The following FOXP2 variants were observed in gnomAD, a reference collection of about 807,000 sequenced individuals.
FOXP2 encodes the protein forkhead box P2.
In FOXP2, 12 loss-of-function variants were observed where a neutral mutation model predicts 115.8. The observed-to-expected ratio is 0.10, with a 90% confidence interval of 0.07 to 0.17. The LOEUF is 0.17. FOXP2 is among the 10% of genes least tolerant of loss of function. The pLI, the probability that FOXP2 is intolerant of heterozygous loss-of-function variation, is 1.00. For missense variants in FOXP2, 629 were observed against 843.5 expected, an observed-to-expected ratio of 0.75 and a Z score of 3.15; for synonymous variants, 328 against 297.7, an observed-to-expected ratio of 1.10 and a Z score of -1.05.
At chr7:114,385,969 C>A (rs921859818) in intron 2 of FOXP2, among the ~76,000 whole-genome samples, 9 of 152,288 alleles carry the variant, frequency 5.9e-5, no homozygotes, top group Admixed American at 2.0e-4. Context: ...CCGTGGGTCA[C>A]GGAAGAGAAC....
intron 1 of FOXP2, among the ~76,000 whole-genome samples, chr7:114,286,140 A>G (rs952476214): frequency 7.2e-5 from 11 of 151,916 alleles, no homozygotes; most frequent in African/African-American, 2.2e-4. Flanking sequence ...TTTTTGCTCT[A>G]TACAGTAAGC....
intron 2 of FOXP2, among the ~76,000 whole-genome samples, chr7:114,330,584 G>A (rs901598244): frequency 2.0e-5 from 3 of 150,530 alleles, no homozygotes; most frequent in Non-Finnish European, 3.0e-5. Context: ...TATGAGTATT[G>A]TTGCATGATG....
At chr7:114,573,891 G>A (rs1201978393) in intron 3 of FOXP2, among the ~76,000 whole-genome samples, 1 of 151,728 alleles carries the variant, frequency 6.6e-6, no homozygotes, top group South Asian at 2.1e-4. Flanking sequence ...TTAAACAGGG[G>A]TCAAAAGCTC....
intron 1 of FOXP2, among the ~76,000 whole-genome samples, chr7:114,419,484 C>G (rs1470032824): frequency 6.6e-6 from 1 of 151,798 alleles, no homozygotes; most frequent in African/African-American, 2.4e-5. Context: ...CACTTGATGC[C>G]AGAGTATAAA....
At chr7:114,176,884 T>C (rs940328796) in intron 1 of FOXP2, among the ~76,000 whole-genome samples, 2 of 152,144 alleles carry the variant, frequency 1.3e-5, no homozygotes, top group African/African-American at 4.8e-5. Context: ...AGGGTAACCA[T>C]ATTCTTACCC....
chr7:114,284,036 T>C (rs1796402209), intron 1 of FOXP2, among the ~76,000 whole-genome samples: 1 of 152,174 alleles, frequency 6.6e-6, no homozygotes. Context: ...CTTTATCTAA[T>C]ATAATTCCTT....
At chr7:114,103,519 A>T (rs1019286902) in intron 1 of FOXP2, among the ~76,000 whole-genome samples, 7 of 152,066 alleles carry the variant, frequency 4.6e-5, no homozygotes, top group Non-Finnish European at 1.5e-5. Flanking sequence ...AACCTTGTAG[A>T]TTACACAATT....
At chr7:114,402,417 A>G (rs919589822) in intron 2 of FOXP2, among the ~76,000 whole-genome samples, 1 of 152,118 alleles carries the variant, frequency 6.6e-6, no homozygotes, top group African/African-American at 2.4e-5. Context: ...ATTTGTGTAA[A>G]GAACATATAT....
intron 1 of FOXP2, among the ~76,000 whole-genome samples, chr7:114,141,132 A>G (rs553963690): frequency 1.3e-5 from 2 of 152,320 alleles, no homozygotes; most frequent in East Asian, 3.9e-4. Flanking sequence ...TGAGAAAGAA[A>G]AGAAAGGCCC....
intron 1 of FOXP2, among the ~76,000 whole-genome samples, chr7:114,275,474 T>G (rs560759788): frequency 6.6e-6 from 1 of 152,314 alleles, no homozygotes; most frequent in African/African-American, 2.4e-5. Context: ...TAGTAAGCCT[T>G]CATTTCTGTT....
At chr7:114,201,004 A>C (rs1794047648) in intron 1 of FOXP2, among the ~76,000 whole-genome samples, 1 of 152,074 alleles carries the variant, frequency 6.6e-6, no homozygotes, top group African/African-American at 2.4e-5. Context: ...AAAATACAAA[A>C]AATTAGCTGG....
intron 1 of FOXP2, among the ~76,000 whole-genome samples, chr7:114,219,231 GAT>G (rs1228403769): frequency 4.0e-5 from 6 of 151,842 alleles, no homozygotes; most frequent in Non-Finnish European, 8.8e-5. Context: ...ATTATATGTT[GAT>G]TTAAACCATT....
intron 2 of FOXP2, among the ~76,000 whole-genome samples, chr7:114,386,689 A>T (rs909435745): frequency 1.3e-5 from 2 of 152,226 alleles, no homozygotes; most frequent in Non-Finnish European, 2.9e-5. Flanking sequence ...CCCAAGAAGC[A>T]GCCAACATAC....
chr7:114,381,053 G>T (rs191708714), intron 2 of FOXP2, among the ~76,000 whole-genome samples: 1 of 152,196 alleles, frequency 6.6e-6, no homozygotes, highest in Non-Finnish European at 1.5e-5. Flanking sequence ...TTACTAAATG[G>T]GTATTGGCTT....
rs1793878767 is a variant in FOXP2 at position 114,195,443 on chromosome 7, T to C, written c.-102+32355T>C. The stretch of plus-strand genomic sequence containing the variant: ...TTCTCAGCATCTTCTCATTGCTGCT[T>C]ATGACAGCTTTATATATGTGTATGA... On this transcript the variant is annotated intron_variant, in intron 1 of 17. Coordinates refer to the FOXP2 transcript ENST00000634411. 2.0e-5 allele frequency among the ~76,000 whole-genome samples: 3 copies of C among 152,320 alleles called. No individual in the cohort carries two copies. The South Asian group carries it at 6.2e-4, about 32-fold the overall frequency.
intron 2 of FOXP2, among the ~76,000 whole-genome samples, chr7:114,516,049 G>T (rs1798325423): frequency 6.6e-6 from 1 of 152,000 alleles, no homozygotes. Flanking sequence ...CACAGAATTG[G>T]AAAAAACTAC....
chr7:114,542,899 T>G (rs1799744655), intron 3 of FOXP2, among the ~76,000 whole-genome samples: 1 of 151,784 alleles, frequency 6.6e-6, no homozygotes, highest in South Asian at 2.1e-4. Context: ...CAAGAAATTC[T>G]CCTGCCTCAG....
In FOXP2 at chr7:114,299,869, T is replaced by G. The variant is rs376007684; in HGVS notation, c.-11+11760T>G. 3.3e-5 allele frequency among the ~76,000 whole-genome samples: 5 copies of G among 152,006 alleles called. No individual in the cohort carries two copies. The East Asian group carries it at 7.7e-4, about 23-fold the overall frequency. On this transcript the variant is annotated intron_variant, in intron 2 of 17. Coordinates refer to the FOXP2 transcript ENST00000634411. ...AAGGTTATTAAAATGAATCAAAAAG[T>G]GGTTTCTTTGTCTTTTGTCTTCTGA...
chr7:114,295,100 C>T (rs1022658445), intron 2 of FOXP2, among the ~76,000 whole-genome samples: 6 of 151,904 alleles, frequency 3.9e-5, no homozygotes, highest in Non-Finnish European at 5.9e-5. Flanking sequence ...TGGAACTATC[C>T]GCTAGTAAAA....
Sources: gnomAD v4.1 joint callset for allele counts (sites outside exome capture counted in the v4.1 genomes callset) on GRCh38, gnomAD v4.1.1 for gene constraint, MANE v1.5 for transcripts, NCBI Gene and HGNC (gene_info 2026-07-23, HGNC 2026-07-21) for gene names.